The following DLG3 variants were observed in gnomAD, a reference collection of about 807,000 sequenced individuals.
DLG3 encodes discs large MAGUK scaffold protein 3.
Under a neutral mutation model 64.1 loss-of-function variants are expected in DLG3, and 1 was observed. That is an observed-to-expected ratio of 0.02 (90% confidence interval 0.01 to 0.07). The LOEUF is 0.07. Among genes scored for constraint, DLG3 ranks in the 10% least tolerant of loss-of-function variants. The probability of loss-of-function intolerance (pLI) is 1.00; values close to 1 mark genes in which losing one functional copy is unlikely to be tolerated. For missense variants in DLG3, 429 were observed against 669.5 expected (o/e 0.64, Z 3.96); for synonymous variants, 245 against 259.8 (o/e 0.94, Z 0.55).
chrX:70,492,046 G>C, intron 10 of DLG3, 61 bp from the exon 11 acceptor site: 1 of 1,122,348 alleles, frequency 8.9e-7, no homozygotes, highest in Non-Finnish European at 1.2e-6. Context: ...ATCTTTTCAA[G>C]GTGCCAGTGT....
chrX:70,488,691 T>C (rs952164393), intron 10 of DLG3, among the ~76,000 whole-genome samples: 8 of 112,282 alleles, frequency 7.1e-5, no homozygotes, highest in Admixed American at 9.5e-5. Context: ...GGATTTCCTT[T>C]ATCAGATAGA....
intron 10 of DLG3, among the ~76,000 whole-genome samples, chrX:70,491,518 AT>A (rs1299316719): frequency 8.9e-6 from 1 of 112,288 alleles, no homozygotes; most frequent in Non-Finnish European, 1.9e-5. Context: ...AGGTCAAACT[AT>A]TTTTTCCTCC....
chrX:70,487,048 G>A (rs2087267549), intron 10 of DLG3, among the ~76,000 whole-genome samples: 1 of 111,922 alleles, frequency 8.9e-6, no homozygotes, highest in Non-Finnish European at 1.9e-5. Context: ...AATTATTAAG[G>A]TCTAATTTAC....
chrX:70,445,018 G>C lies in DLG3; in HGVS notation c.-184G>C, dbSNP rs1006639789. 38 of 275,578 alleles carry C rather than the reference G, an allele frequency of 1.4e-4. No homozygotes were observed. The highest frequency in any genetic ancestry group is 1.0e-3 in the African/African-American group (36 of 34,978). The allele number at this position is 275,578 out of a possible 1,213,427, so 22.7% of individuals were successfully genotyped here. A position where few individuals can be genotyped will look rare whatever the true frequency, so the allele number is the denominator to read the frequency against. On this transcript the variant is annotated 5_prime_UTR_variant, in exon 1 of 19. Transcript: ENST00000374360. ...GGGGCAGCGTGGGGGCCGAGGCCCC[G>C]GGACGCCCGCCCGGCCCCAGGCCCC... is the stretch of plus-strand genomic sequence containing the variant.
chrX:70,487,387 G>A (rs1425286737), intron 10 of DLG3, among the ~76,000 whole-genome samples: 1 of 111,730 alleles, frequency 9.0e-6, no homozygotes, highest in Non-Finnish European at 1.9e-5. Flanking sequence ...TAGCTGGAAG[G>A]ACCTCTCCCC....
intron 1 of DLG3, among the ~76,000 whole-genome samples, chrX:70,446,868 G>A (rs982356685): frequency 8.9e-6 from 1 of 112,275 alleles, no homozygotes. Context: ...CGTTCTGGCT[G>A]CCTCTGTCCT....
rs797045524 is a variant in DLG3, at chrX:70,453,733, C to T, written c.1242C>T (p.Ile414=). The change falls in exon 8 of 19, where the codon ATC becomes ATT. Residue 414 remains isoleucine, a synonymous_variant. Transcript: ENST00000374360. ...EDGEGIFVSF[I]LAGGPADLSG... ...GAGAAGGCATTTTTGTCTCCTTCAT[C>T]CTGGCAGGAGGCCCAGCTGACCTGA... 2.5e-6 allele frequency: 3 copies of T among 1,207,891 alleles called. No homozygotes were observed. Among genetic ancestry groups the T allele is most frequent in the Non-Finnish European group, 1.1e-6 (1 of 893,627 alleles).
intron 1 of DLG3, 58 bp downstream of exon 1, chrX:70,445,616 G>A: frequency 2.8e-6 from 3 of 1,070,976 alleles, no homozygotes; most frequent in Non-Finnish European, 3.8e-6. Flanking sequence ...GAGAGTGGGG[G>A]CCTAGAGGCC....
At chrX:70,448,847 T>C in intron 1 of DLG3, 66 bp from the exon 2 acceptor site, 1 of 1,164,733 alleles carries the variant, frequency 8.6e-7, no homozygotes, top group South Asian at 1.9e-5. Flanking sequence ...AGGAGGCAGG[T>C]TGACTAAGGG....
intron 12 of DLG3, among the ~76,000 whole-genome samples, chrX:70,494,951 G>T (rs143711090): frequency 0.013 from 1,470 of 112,420 alleles, 21 homozygotes; most frequent in African/African-American, 0.045. Flanking sequence ...GCGGACATTT[G>T]CTCTTTCACG....
In DLG3 at chrX:70,445,437, G is replaced by A; in HGVS notation, c.236G>A (p.Gly79Asp). The change falls in exon 1 of 19, where the codon GGC becomes GAC. Residue 79 changes from glycine (G) to aspartate (D), a missense_variant. Around this residue, in one of 9 missense-constraint regions of DLG3, gnomAD observed 123 missense variants for 113.3 expected, o/e 1.09. Transcript: ENST00000374360. ...PRTKAKLIPT[G>D]RDVGPVPPKP... Reference sequence around the variant, plus strand: ...ACCAAGGCCAAGCTCATCCCCACCGGCCGGGATGTGGGGCCGGTGCCTCCT... The same window carrying A: ...ACCAAGGCCAAGCTCATCCCCACCGACCGGGATGTGGGGCCGGTGCCTCCT... 8.3e-7 allele frequency: 1 copy of A among 1,201,060 alleles called. No homozygotes were observed. The highest frequency in any genetic ancestry group is 1.1e-6 in the Non-Finnish European group (1 of 890,665).
intron 9 of DLG3, among the ~76,000 whole-genome samples, chrX:70,465,790 A>G (rs1345966327): frequency 8.9e-6 from 1 of 111,868 alleles, no homozygotes; most frequent in Non-Finnish European, 1.9e-5. Flanking sequence ...ATTTTCCTCG[A>G]TCACCATATA....
intron 9 of DLG3, among the ~76,000 whole-genome samples, chrX:70,457,574 CT>C (rs61405424): frequency 1.9e-3 from 189 of 99,512 alleles, no homozygotes; most frequent in South Asian, 2.3e-3. Flanking sequence ...CGTTTTAGGA[CT>C]TTTTTTTTTT....
intron 10 of DLG3, among the ~76,000 whole-genome samples, chrX:70,481,879 C>A (rs1020796408): frequency 5.4e-5 from 6 of 112,058 alleles, no homozygotes; most frequent in African/African-American, 9.7e-5. Flanking sequence ...GCTCTGCCCC[C>A]CTAAATGGCA....
chrX:70,462,329 A>AAC (rs1478025683), intron 9 of DLG3, among the ~76,000 whole-genome samples: 3 of 96,835 alleles, frequency 3.1e-5, no homozygotes, highest in Admixed American at 1.2e-4. Flanking sequence ...GGCTCACTGC[A>AAC]ACTTCTGCCT....
At chrX:70,495,804 G>A (rs1345584317) in intron 13 of DLG3, among the ~76,000 whole-genome samples, 5 of 111,778 alleles carry the variant, frequency 4.5e-5, no homozygotes, top group Admixed American at 9.5e-5. Flanking sequence ...AGGGGTGCCT[G>A]CTGGTTGGAT....
chrX:70,480,539 C>T lies in DLG3; in HGVS notation c.1520+1275C>T, dbSNP rs756727346. Among the ~76,000 whole-genome samples, 106 of 111,292 alleles carry T rather than the reference C, an allele frequency of 9.5e-4. 1 individual carries two copies. The highest frequency in any genetic ancestry group is 1.2e-3 in the Non-Finnish European group (63 of 53,033). ...CTGTGAAGGGAGAATGGTAGGAAGG[C>T]GGGACTAGTCACTGGTCATTTTTCC... On this transcript the variant is annotated intron_variant, in intron 10 of 18. Transcript: ENST00000374360.
chrX:70,449,274 G>C (rs2086595136), intron 2 of DLG3, 85 bp from the exon 3 acceptor site: 1 of 1,163,145 alleles, frequency 8.6e-7, no homozygotes, highest in African/African-American at 1.8e-5. Context: ...AACTAGCTCT[G>C]GGATATAAGG....
intron 9 of DLG3, among the ~76,000 whole-genome samples, chrX:70,469,925 C>T (rs901475095): frequency 8.9e-6 from 1 of 111,923 alleles, no homozygotes; most frequent in Non-Finnish European, 1.9e-5. Flanking sequence ...CTTTGAGCCT[C>T]AGGGCAGCTC....
Sources: gnomAD v4.1 joint callset for allele counts (sites outside exome capture counted in the v4.1 genomes callset) on GRCh38, gnomAD v4.1.1 for gene constraint, gnomAD v4.1.1 regional missense constraint, MANE v1.5 for transcripts, NCBI Gene and HGNC (gene_info 2026-07-23, HGNC 2026-07-21) for gene names.